Variants in RAP1GDS1 observed in about 807,000 individuals in gnomAD.
RAP1GDS1 encodes the protein Rap1 GTPase-GDP dissociation stimulator 1.
A neutral mutation model predicts 71.1 loss-of-function variants in RAP1GDS1; 35 were observed. That is an observed-to-expected ratio of 0.49 (90% CI 0.38 to 0.65). The LOEUF is 0.65. Ranked by LOEUF, RAP1GDS1 falls within the 30% of genes least tolerant of loss-of-function variation. The pLI is 0.00. For synonymous variants in RAP1GDS1, 229 were observed against 243.1 expected, an observed-to-expected ratio of 0.94 and a Z score of 0.54; for missense variants, 663 against 706.1, an observed-to-expected ratio of 0.94 and a Z score of 0.69.
intron 1 of RAP1GDS1, among the ~76,000 whole-genome samples, chr4:98,289,014 G>A (rs1578316400): frequency 6.6e-6 from 1 of 152,098 alleles, no homozygotes; most frequent in African/African-American, 2.4e-5. Context: ...CAAGAGGCAT[G>A]ATTTTTGTGC....
At chr4:98,318,145 A>G (rs1397822077) in intron 2 of RAP1GDS1, among the ~76,000 whole-genome samples, 4 of 152,112 alleles carry the variant, frequency 2.6e-5, no homozygotes, top group Non-Finnish European at 5.9e-5. Context: ...GTCCAGTGAT[A>G]TCTGACTATA....
intron 1 of RAP1GDS1, among the ~76,000 whole-genome samples, chr4:98,268,882 G>A (rs892075909): frequency 5.9e-5 from 9 of 152,050 alleles, no homozygotes; most frequent in African/African-American, 2.2e-4. Context: ...TCATAGTACT[G>A]AAAGTGATCT....
chr4:98,295,925 C>G (rs920804231), intron 2 of RAP1GDS1, among the ~76,000 whole-genome samples: 6 of 151,874 alleles, frequency 4.0e-5, no homozygotes, highest in African/African-American at 2.4e-5. Context: ...TGTTAATTTT[C>G]TACAGTTCTT....
At chr4:98,324,158 C>T (rs1454472987) in intron 2 of RAP1GDS1, among the ~76,000 whole-genome samples, 2 of 146,548 alleles carry the variant, frequency 1.4e-5, no homozygotes, top group African/African-American at 2.6e-5. Context: ...CATGAGTGAA[C>T]TCCCATTCAC....
chr4:98,308,298 T>A (rs1252118178), intron 2 of RAP1GDS1, among the ~76,000 whole-genome samples: 2 of 13,048 alleles, frequency 1.5e-4, no homozygotes, highest in South Asian at 5.4e-3. Flanking sequence ...ACACACACAC[T>A]ATATATATAT....
intron 2 of RAP1GDS1, among the ~76,000 whole-genome samples, chr4:98,320,500 A>G (rs1241449574): frequency 1.3e-5 from 2 of 152,244 alleles, no homozygotes; most frequent in Admixed American, 6.5e-5. Flanking sequence ...GCAACGCAGA[A>G]GACGGGTGAT....
intron 1 of RAP1GDS1, among the ~76,000 whole-genome samples, chr4:98,279,154 G>A (rs1381048849): frequency 1.3e-5 from 2 of 152,058 alleles, no homozygotes; most frequent in Non-Finnish European, 2.9e-5. Flanking sequence ...TACCCAGGAG[G>A]CAGAGCTTGC....
chr4:98,372,156 T>G (rs2110469126), intron 4 of RAP1GDS1, among the ~76,000 whole-genome samples: 2 of 152,206 alleles, frequency 1.3e-5, no homozygotes, highest in South Asian at 4.2e-4. Context: ...TACTGGCTTC[T>G]TGTGTTTTTT....
At chr4:98,373,130 C>G (rs1740644938) in intron 4 of RAP1GDS1, among the ~76,000 whole-genome samples, 1 of 152,202 alleles carries the variant, frequency 6.6e-6, no homozygotes, top group South Asian at 2.1e-4. Context: ...AAAACTTTTA[C>G]TAACATTTTT....
intron 6 of RAP1GDS1, among the ~76,000 whole-genome samples, chr4:98,394,494 T>TA (rs1435942505): frequency 6.6e-6 from 1 of 152,066 alleles, no homozygotes; most frequent in African/African-American, 2.4e-5. Flanking sequence ...TAAGGAGTCT[T>TA]ATGTTTTACA....
chr4:98,362,121 T>G (rs1738831317), intron 4 of RAP1GDS1, among the ~76,000 whole-genome samples: 1 of 152,224 alleles, frequency 6.6e-6, no homozygotes, highest in Non-Finnish European at 1.5e-5. Context: ...GGGGGAAATG[T>G]AAGCATTAGA....
intron 4 of RAP1GDS1, among the ~76,000 whole-genome samples, chr4:98,364,379 A>C (rs1739178685): frequency 6.6e-6 from 1 of 152,166 alleles, no homozygotes; most frequent in Non-Finnish European, 1.5e-5. Context: ...CTGAAAATTC[A>C]AGTGACTTAT....
At chr4:98,303,658 A>ATAATATAATG (rs1343756584) in intron 2 of RAP1GDS1, among the ~76,000 whole-genome samples, 3 of 148,086 alleles carry the variant, frequency 2.0e-5, no homozygotes, top group African/African-American at 7.4e-5. Context: ...ATAATATAAT[A>ATAATATAATG]TAATATAATT....
intron 1 of RAP1GDS1, among the ~76,000 whole-genome samples, chr4:98,263,092 G>T (rs531208473): frequency 6.6e-6 from 1 of 151,974 alleles, no homozygotes; most frequent in African/African-American, 2.4e-5. Flanking sequence ...TATTTCCGTC[G>T]AACATACACA....
chr4:98,268,073 A>G (rs1305471721), intron 1 of RAP1GDS1, among the ~76,000 whole-genome samples: 1 of 152,126 alleles, frequency 6.6e-6, no homozygotes, highest in Non-Finnish European at 1.5e-5. Flanking sequence ...ATGGTGTCTC[A>G]TTGTGGTTTG....
chr4:98,413,046 T>C (rs1273517903), intron 7 of RAP1GDS1, among the ~76,000 whole-genome samples: 4 of 152,048 alleles, frequency 2.6e-5, no homozygotes, highest in Non-Finnish European at 4.4e-5. Context: ...AGAGAACCGG[T>C]CTGACCTCAA....
intron 1 of RAP1GDS1, among the ~76,000 whole-genome samples, chr4:98,281,546 A>G (rs921923723): frequency 1.1e-4 from 17 of 151,956 alleles, no homozygotes; most frequent in Admixed American, 1.1e-3. Context: ...CAATCATGTC[A>G]TCTGCAAACA....
chr4:98,360,597 A>G (rs1738595846), intron 4 of RAP1GDS1, among the ~76,000 whole-genome samples: 1 of 152,108 alleles, frequency 6.6e-6, no homozygotes, highest in East Asian at 1.9e-4. Context: ...AACCCTGTCA[A>G]CACATATTAT....
intron 6 of RAP1GDS1, among the ~76,000 whole-genome samples, chr4:98,402,368 G>A (rs972934685): frequency 2.0e-5 from 3 of 152,224 alleles, no homozygotes; most frequent in African/African-American, 2.4e-5. Flanking sequence ...CACCATGCCC[G>A]GCCTCATCTC....
Sources: allele counts gnomAD v4.1 joint callset (sites outside exome capture counted in the v4.1 genomes callset), GRCh38; gene constraint gnomAD v4.1.1; transcripts MANE v1.5; gene names NCBI Gene and HGNC (gene_info 2026-07-23, HGNC 2026-07-21).